The following NKAIN1 variants were observed in gnomAD, a reference collection of about 807,000 sequenced individuals.
NKAIN1 encodes the protein sodium/potassium-transporting ATPase subunit beta-1-interacting protein 1.
A neutral mutation model predicts 31.6 loss-of-function variants in NKAIN1; 13 were observed. The ratio of observed to expected loss-of-function variants is 0.41; its 90% confidence interval spans 0.27 to 0.65. The LOEUF (loss-of-function observed/expected upper bound fraction) is 0.65. Among genes scored for constraint, NKAIN1 ranks in the 30% least tolerant of loss-of-function variants. The pLI is 0.30. For synonymous variants in NKAIN1, 104 were observed against 109.0 expected (o/e 0.95, Z 0.28); for missense variants, 193 against 262.2 (o/e 0.74, Z 1.82).
intron 2 of NKAIN1, among the ~76,000 whole-genome samples, chr1:31,187,412 G>T: frequency 6.6e-6 from 1 of 152,112 alleles, no homozygotes; most frequent in African/African-American, 2.4e-5. Flanking sequence ...AGACTCCTGG[G>T]GCTGGAGTGC....
intron 5 of NKAIN1, 65 bp downstream of exon 5, chr1:31,182,465 C>CCT: frequency 6.3e-7 from 1 of 1,579,802 alleles, no homozygotes; most frequent in Non-Finnish European, 8.7e-7. Context: ...CAGTCACAGG[C>CCT]CTCTGTCCAG....
At chr1:31,232,424 T>TATATATATATATATAG (rs1313157898) in intron 1 of NKAIN1, among the ~76,000 whole-genome samples, 6 of 16,924 alleles carry the variant, frequency 3.5e-4, no homozygotes, top group Non-Finnish European at 6.9e-4. Flanking sequence ...TATATATATA[T>TATATATATATATATAG]AGAGAGAGAG....
At chr1:31,214,435 T>C (rs906392554) in intron 1 of NKAIN1, among the ~76,000 whole-genome samples, 1 of 150,404 alleles carries the variant, frequency 6.6e-6, no homozygotes, top group African/African-American at 2.5e-5. Flanking sequence ...TTTTATGGTA[T>C]GTGAATTATA....
chr1:31,205,613 G>GTTTTTTTTTTTTTTTTTTTTTTTTTTTTT (rs761138403), intron 1 of NKAIN1, among the ~76,000 whole-genome samples: 1 of 96,524 alleles, frequency 1.0e-5, no homozygotes. Flanking sequence ...AGCCGGACAA[G>GTTTTTTTTTTTTTTTTTTTTTTTTTTTTT]TTTTTTTTTT....
intron 1 of NKAIN1, among the ~76,000 whole-genome samples, chr1:31,202,638 C>T (rs1368168739): frequency 6.9e-6 from 1 of 145,962 alleles, no homozygotes; most frequent in African/African-American, 2.6e-5. Context: ...GATTGTGCCA[C>T]CGCACTCCAG....
intron 2 of NKAIN1, 111 bp downstream of exon 2, chr1:31,187,939 G>C: frequency 1.7e-6 from 2 of 1,174,852 alleles, no homozygotes; most frequent in South Asian, 3.2e-5. Context: ...GTGGAGCCAA[G>C]ACCAGTGCCC....
At chr1:31,191,777 T>C (rs560806860) in intron 1 of NKAIN1, among the ~76,000 whole-genome samples, 5 of 152,286 alleles carry the variant, frequency 3.3e-5, no homozygotes, top group Non-Finnish European at 5.9e-5. Context: ...CCTTATTTTT[T>C]ATTTTATATT....
chr1:31,232,397 AT>A (rs1645656970), intron 1 of NKAIN1, among the ~76,000 whole-genome samples: 1 of 2,436 alleles, frequency 4.1e-4, no homozygotes, highest in African/African-American at 1.1e-3. Context: ...GGCCTACTTC[AT>A]ATATATATAT....
intron 1 of NKAIN1, among the ~76,000 whole-genome samples, chr1:31,197,182 G>T (rs1645334427): frequency 1.3e-5 from 2 of 150,360 alleles, no homozygotes; most frequent in South Asian, 4.2e-4. Context: ...CACAATCTCG[G>T]CTCACTGCAA....
Position 31,231,453 on chromosome 1 carries a change from C to T in NKAIN1, c.54+8041G>A, listed in dbSNP as rs201466130. Reference sequence around the variant, plus strand: ...CCTCCCAAAGTGCTGGGATTACAGGCGTGACCCACAGTGCCCAACCTCCTC... The same window carrying T: ...CCTCCCAAAGTGCTGGGATTACAGGTGTGACCCACAGTGCCCAACCTCCTC... On this transcript the variant is annotated intron_variant, in intron 1 of 6. Coordinates refer to ENST00000373736, the MANE Select transcript of NKAIN1 (RefSeq NM_024522.3). Among the ~76,000 whole-genome samples the T allele has an allele frequency of 3.1e-4, 47 of 151,566 alleles. 1 individual carries two copies. In the East Asian group the frequency reaches 8.4e-3, roughly 27 times the overall value.
At chr1:31,204,838 G>C (rs1023317365) in intron 1 of NKAIN1, among the ~76,000 whole-genome samples, 1 of 152,104 alleles carries the variant, frequency 6.6e-6, no homozygotes, top group African/African-American at 2.4e-5. Flanking sequence ...GGATGGAAGT[G>C]ATGGGGGGAA....
At chr1:31,189,952 G>A (rs980981193) in intron 1 of NKAIN1, among the ~76,000 whole-genome samples, 29 of 152,158 alleles carry the variant, frequency 1.9e-4, no homozygotes, top group Non-Finnish European at 2.9e-5. Flanking sequence ...GTGTGTGTGG[G>A]AGGAAGACTG....
At chr1:31,197,066 CCTTT>C (rs1645332809) in intron 1 of NKAIN1, among the ~76,000 whole-genome samples, 4 of 150,776 alleles carry the variant, frequency 2.7e-5, no homozygotes, top group Admixed American at 2.0e-4. Flanking sequence ...CTCCCTCCTT[CCTTT>C]ATTTTTTCCA....
At chr1:31,234,235 G>A (rs887429782) in intron 1 of NKAIN1, among the ~76,000 whole-genome samples, 3 of 152,176 alleles carry the variant, frequency 2.0e-5, no homozygotes, top group Non-Finnish European at 4.4e-5. Context: ...TCCTGACTCT[G>A]ATACCCGGCC....
intron 1 of NKAIN1, among the ~76,000 whole-genome samples, chr1:31,237,729 CAG>C (rs1645702739): frequency 6.6e-6 from 1 of 152,080 alleles, no homozygotes; most frequent in African/African-American, 2.4e-5. Context: ...CCCCTGACCT[CAG>C]GTGATCTGCC....
chr1:31,209,833 A>G (rs1375296241), intron 1 of NKAIN1, among the ~76,000 whole-genome samples: 1 of 151,824 alleles, frequency 6.6e-6, no homozygotes, highest in East Asian at 1.9e-4. Context: ...GAAAGAAAAA[A>G]AAAGTTAGCC....
chr1:31,212,419 TTA>T (rs60753218), intron 1 of NKAIN1, among the ~76,000 whole-genome samples: 89,575 of 150,294 alleles, frequency 0.6, 29,404 homozygotes, highest in Middle Eastern at 0.83. Flanking sequence ...TTTTTTTTTT[TTA>T]GGAGACAAGG....
chr1:31,184,602 G>C (rs1410848496), intron 3 of NKAIN1, among the ~76,000 whole-genome samples: 1 of 152,144 alleles, frequency 6.6e-6, no homozygotes, highest in Non-Finnish European at 1.5e-5. Context: ...CTGGGGCTCA[G>C]AGAGGATCAG....
At chr1:31,219,537 T>A (rs554762528) in intron 1 of NKAIN1, among the ~76,000 whole-genome samples, 1 of 152,202 alleles carries the variant, frequency 6.6e-6, no homozygotes, top group Non-Finnish European at 1.5e-5. Flanking sequence ...CATGTCCCCC[T>A]GATCCTGTGG....
Sources: allele counts gnomAD v4.1 joint callset (sites outside exome capture counted in the v4.1 genomes callset), GRCh38; gene constraint gnomAD v4.1.1; transcripts MANE v1.5; gene names NCBI Gene and HGNC (gene_info 2026-07-23, HGNC 2026-07-21).